Variants in SORCS3 observed in about 807,000 individuals in gnomAD.
SORCS3 encodes the protein VPS10 domain-containing receptor SorCS3.
Under a neutral mutation model 146.3 loss-of-function variants are expected in SORCS3, and 57 were observed. The observed-to-expected ratio is 0.39, with a 90% CI of 0.31 to 0.49. The LOEUF (loss-of-function observed/expected upper bound fraction) is 0.49, where lower values mean the gene tolerates loss of function less well. Ranked by LOEUF, SORCS3 falls within the 20% of genes least tolerant of loss-of-function variation. The pLI is 0.92. For missense variants in SORCS3, 1,341 were observed against 1,575.5 expected, an observed-to-expected ratio of 0.85 and a Z score of 2.52; for synonymous variants, 653 against 618.5, an observed-to-expected ratio of 1.06 and a Z score of -0.83.
At chr10:104,642,615 AG>A (rs2015439985) in intron 1 of SORCS3, among the ~76,000 whole-genome samples, 1 of 152,108 alleles carries the variant, frequency 6.6e-6, no homozygotes, top group Non-Finnish European at 1.5e-5. Flanking sequence ...CGTAAAAAAA[AG>A]TTTAAAGCGT....
intron 2 of SORCS3, among the ~76,000 whole-genome samples, chr10:104,905,758 G>A (rs928979789): frequency 1.3e-5 from 2 of 152,184 alleles, no homozygotes; most frequent in Non-Finnish European, 2.9e-5. Context: ...AAGATGCTGA[G>A]CACTGGGAAA....
chr10:104,968,738 T>G (rs1023043903), intron 3 of SORCS3, among the ~76,000 whole-genome samples: 1 of 152,234 alleles, frequency 6.6e-6, no homozygotes, highest in African/African-American at 2.4e-5. Flanking sequence ...TACCTATAAT[T>G]ATACATTGAA....
chr10:105,115,681 G>T (rs967139750), intron 7 of SORCS3, among the ~76,000 whole-genome samples: 1 of 152,094 alleles, frequency 6.6e-6, no homozygotes, highest in Admixed American at 6.6e-5. Flanking sequence ...CTAAGATCCT[G>T]ATTTATATAC....
intron 5 of SORCS3, among the ~76,000 whole-genome samples, chr10:105,079,554 T>C (rs2055609655): frequency 1.3e-5 from 2 of 152,180 alleles, no homozygotes; most frequent in Non-Finnish European, 2.9e-5. Context: ...TTAATTGGTC[T>C]CAATGTGCCT....
chr10:105,210,669 G>C (rs945234954), intron 16 of SORCS3, among the ~76,000 whole-genome samples: 1 of 152,112 alleles, frequency 6.6e-6, no homozygotes, highest in Admixed American at 6.5e-5. Context: ...AGGGAAATAG[G>C]GGCCTTTGTT....
intron 2 of SORCS3, among the ~76,000 whole-genome samples, chr10:104,875,409 T>C (rs1010247148): frequency 1.3e-5 from 2 of 152,208 alleles, no homozygotes; most frequent in Admixed American, 1.3e-4. Context: ...GTTACTTGTC[T>C]TAGCTTCAAT....
At chr10:105,034,189 G>A (rs1346659223) in intron 4 of SORCS3, among the ~76,000 whole-genome samples, 1 of 152,110 alleles carries the variant, frequency 6.6e-6, no homozygotes, top group Non-Finnish European at 1.5e-5. Context: ...TGTCTGGGGT[G>A]GGAAGTGACC....
At chr10:105,126,339 T>C (rs1028336406) in intron 7 of SORCS3, among the ~76,000 whole-genome samples, 3 of 152,154 alleles carry the variant, frequency 2.0e-5, no homozygotes, top group African/African-American at 7.2e-5. Context: ...CCTCTCCGGC[T>C]TGACTGGTAA....
In SORCS3 at chr10:104,893,705, G is replaced by A. The variant is rs766994306; in HGVS notation, c.696-22128G>A. 4.6e-5 allele frequency among the ~76,000 whole-genome samples: 7 copies of A among 152,266 alleles called. No homozygotes were observed. The South Asian group carries it at 1.5e-3, about 32-fold the overall frequency. On this transcript the variant is annotated intron_variant, in intron 2 of 26. Coordinates refer to ENST00000369701, the MANE Select transcript of SORCS3 (RefSeq NM_014978.3). ...TTCCAAATGCCCAAGATGCCTTGCCGTATCTGCTCTGCATGTCGCAAAGAA... is the reference window on the plus strand; with the variant it reads ...TTCCAAATGCCCAAGATGCCTTGCCATATCTGCTCTGCATGTCGCAAAGAA...
chr10:105,214,506 C>A lies in SORCS3; in HGVS notation c.2440C>A (p.Gln814Lys), dbSNP rs747033515. ...AAGGGAGAAGTACACCGCCAAGGCC[C>A]AGATGTGCCCTGGAAAAGCCCCTCG... The part of the protein sequence containing the change: ...GLREKYTAKA[Q>K]MCPGKAPRGL... Residue 814 changes from glutamine to lysine, a missense_variant, in exon 18 of 27, where the codon CAG becomes AAG. Gln to Lys is a moderately conservative substitution (Grantham distance 53). Coordinates refer to ENST00000369701, the MANE Select transcript of SORCS3 (RefSeq NM_014978.3). The A allele has an allele frequency of 5.0e-6, 8 of 1,614,156 alleles. No homozygotes were observed. The highest frequency in any genetic ancestry group is 1.1e-5 in the South Asian group (1 of 91,078).
chr10:104,747,574 G>T (rs1368356532), intron 1 of SORCS3, among the ~76,000 whole-genome samples: 2 of 152,182 alleles, frequency 1.3e-5, no homozygotes, highest in Admixed American at 6.5e-5. Context: ...CCTGTAGATT[G>T]CAAGGAGGCA....
intron 13 of SORCS3, 64 bp from the exon 14 acceptor site, chr10:105,178,002 A>C (rs2056418334): frequency 4.1e-6 from 5 of 1,231,716 alleles, no homozygotes; most frequent in Middle Eastern, 1.9e-4. Context: ...AACCTGAAAA[A>C]CGGTTACAGA....
intron 1 of SORCS3, among the ~76,000 whole-genome samples, chr10:104,830,304 G>A (rs1380111334): frequency 1.3e-5 from 2 of 152,132 alleles, no homozygotes; most frequent in African/African-American, 4.8e-5. Flanking sequence ...CAAGAGTGCT[G>A]GAAAGGCTGG....
intron 2 of SORCS3, among the ~76,000 whole-genome samples, chr10:104,858,810 A>G (rs1258887569): frequency 1.3e-5 from 2 of 151,302 alleles, no homozygotes; most frequent in African/African-American, 2.4e-5. Context: ...TTTAGTAGAG[A>G]CGGGGTTTTT....
rs373938821 is a variant in SORCS3 at position 104,792,749 on chromosome 10, C to T, written c.628-50043C>T. ...TATGACTTGGATTTACGTGGGTTTA[C>T]TTTCTCTAACTTCCTACATTTTTGT... On this transcript the variant is annotated intron_variant, in intron 1 of 26. Transcript: ENST00000369701. Among the ~76,000 whole-genome samples the T allele has an allele frequency of 5.3e-5, 8 of 152,114 alleles. No individual in the cohort carries two copies. The East Asian group carries it at 7.7e-4, about 15-fold the overall frequency.
chr10:104,927,197 G>A (rs1296619228), intron 3 of SORCS3, among the ~76,000 whole-genome samples: 1 of 152,216 alleles, frequency 6.6e-6, no homozygotes, highest in East Asian at 1.9e-4. Context: ...ATGAAAAAAT[G>A]TCTGTTTCTC....
At chr10:104,654,432 G>A (rs560865790) in intron 1 of SORCS3, among the ~76,000 whole-genome samples, 2 of 152,260 alleles carry the variant, frequency 1.3e-5, no homozygotes, top group African/African-American at 4.8e-5. Context: ...CAGTGTACAA[G>A]GGTTCCCTTT....
At chr10:105,095,483 G>T (rs923343410) in intron 6 of SORCS3, among the ~76,000 whole-genome samples, 2 of 152,106 alleles carry the variant, frequency 1.3e-5, no homozygotes, top group Non-Finnish European at 2.9e-5. Context: ...GTCTTTTCTT[G>T]CTTGATGACA....
intron 16 of SORCS3, among the ~76,000 whole-genome samples, chr10:105,206,433 T>G (rs922078922): frequency 6.6e-6 from 1 of 152,184 alleles, no homozygotes; most frequent in Non-Finnish European, 1.5e-5. Context: ...TGGTTCTGAC[T>G]GTATGTGCTA....
Sources: allele counts gnomAD v4.1 joint callset (sites outside exome capture counted in the v4.1 genomes callset), GRCh38; gene constraint gnomAD v4.1.1; transcripts MANE v1.5; gene names NCBI Gene and HGNC (gene_info 2026-07-23, HGNC 2026-07-21).